Variants in ZBED6 observed in about 807,000 individuals in gnomAD.
ZBED6 encodes zinc finger BED-type containing 6.
A neutral mutation model predicts 58.4 loss-of-function variants in ZBED6; 40 were observed. The observed-to-expected ratio is 0.68, with a 90% CI of 0.53 to 0.89. ZBED6 has a LOEUF of 0.89. Among genes scored for constraint, ZBED6 ranks in the 40% least tolerant of loss-of-function variants. The probability of loss-of-function intolerance (pLI) is 0.00; values close to 1 mark genes in which losing one functional copy is unlikely to be tolerated. For synonymous variants in ZBED6, 439 were observed against 350.6 expected (o/e 1.25, Z -2.82); for missense variants, 1,057 against 1,003.9 (o/e 1.05, Z -0.71).
At chr1:203,811,816 C>G (rs551990633) in intron 1 of ZBED6, among the ~76,000 whole-genome samples, 1 of 148,002 alleles carries the variant, frequency 6.8e-6, no homozygotes, top group South Asian at 2.1e-4. Flanking sequence ...ATAGCTTTGT[C>G]TTTTTCTTTT....
chr1:203,804,883 G>A (rs956244340), intron 1 of ZBED6, among the ~76,000 whole-genome samples: 8 of 151,766 alleles, frequency 5.3e-5, no homozygotes, highest in Admixed American at 5.3e-4. Flanking sequence ...ATATTGGCCA[G>A]GCTGGTCTCA....
At chr1:203,810,444 G>A (rs1222671302) in intron 1 of ZBED6, among the ~76,000 whole-genome samples, 1 of 140,082 alleles carries the variant, frequency 7.1e-6, no homozygotes, top group African/African-American at 2.7e-5. Context: ...TTTTGAGACA[G>A]AGTCTCACTC....
At chr1:203,848,273 C>A in intron 12 of ZBED6, 58 bp from the exon 13 acceptor site, 3 of 1,399,892 alleles carry the variant, frequency 2.1e-6, no homozygotes, top group Non-Finnish European at 1.0e-6. Flanking sequence ...TTTAACATAT[C>A]TATCATGAAG....
intron 10 of ZBED6, among the ~76,000 whole-genome samples, chr1:203,839,216 TTTTG>T (rs1442717932): frequency 3.3e-5 from 5 of 152,182 alleles, no homozygotes; most frequent in Admixed American, 6.5e-5. Flanking sequence ...TTTTGTTTTG[TTTTG>T]TTTGTTTAAA....
In ZBED6 at chr1:203,798,949, A is replaced by G. The variant is rs771470973; in HGVS notation, c.1427A>G (p.Gln476Arg). 3.3e-6 allele frequency: 5 copies of G among 1,536,032 alleles called. No individual in the cohort carries two copies. In the South Asian group the frequency reaches 5.9e-5, roughly 18 times the overall value. The change falls in exon 1 of 17, where the codon CAA (glutamine) becomes CGA (arginine). Residue 476 changes from glutamine to arginine, a missense_variant. Gln to Arg is a conservative substitution (Grantham distance 43). Coordinates refer to ENST00000550078, the Ensembl canonical transcript of ZBED6. ...ATTTTCTTAACTTTAGAGAATGTTC[A>G]AAGCCAAAAGATACACCTGACTGTT...
rs141925037 is a variant in ZBED6 at position 203,826,258 on chromosome 1, C to T, written c.*2874-2041C>T. 1.1e-3 allele frequency among the ~76,000 whole-genome samples: 166 copies of T among 152,000 alleles called. 4 individuals are homozygous for T. The East Asian group carries it at 0.027, about 25-fold the overall frequency. On this transcript the variant is annotated intron_variant, in intron 3 of 16. Transcript: ENST00000550078. ...TTATTTTTACTTTATTTTTACTGCT[C>T]CTTGTGGAGCAGGGCCACTCTATAG...
At chr1:203,824,401 G>GA (rs1679805518) in intron 3 of ZBED6, among the ~76,000 whole-genome samples, 2 of 152,162 alleles carry the variant, frequency 1.3e-5, no homozygotes, top group South Asian at 4.1e-4. Context: ...TCAGGGATGA[G>GA]AAGGAGTCTT....
intron 11 of ZBED6, among the ~76,000 whole-genome samples, chr1:203,845,543 G>A (rs192412742): frequency 1.1e-3 from 160 of 152,264 alleles, no homozygotes; most frequent in Admixed American, 0.01. Flanking sequence ...CTAAATTGGA[G>A]GGTATCAGGT....
chr1:203,816,704 G>A (rs2102763065), intron 1 of ZBED6, among the ~76,000 whole-genome samples: 2 of 152,216 alleles, frequency 1.3e-5, no homozygotes, highest in South Asian at 4.1e-4. Flanking sequence ...TGTGTAACAA[G>A]CATCACAGAG....
intron 1 of ZBED6, chr1:203,806,261 T>A: frequency 3.1e-6 from 1 of 322,966 alleles, no homozygotes; most frequent in Non-Finnish European, 6.0e-6. Flanking sequence ...AGAATCAGTT[T>A]ATCTTGAGTG....
chr1:203,805,189 C>T (rs1431148753), intron 1 of ZBED6, among the ~76,000 whole-genome samples: 1 of 147,496 alleles, frequency 6.8e-6, no homozygotes, highest in Non-Finnish European at 1.5e-5. Flanking sequence ...GTCGCCCAGG[C>T]TGTGGGGTGA....
At chr1:203,819,954 A>G (rs1677943727) in intron 3 of ZBED6, among the ~76,000 whole-genome samples, 1 of 151,492 alleles carries the variant, frequency 6.6e-6, no homozygotes, top group African/African-American at 2.4e-5. Flanking sequence ...GAGCAAGTCC[A>G]GGCTGGGCTC....
intron 3 of ZBED6, among the ~76,000 whole-genome samples, chr1:203,819,657 C>T (rs1335509229): frequency 6.6e-6 from 1 of 150,508 alleles, no homozygotes; most frequent in Non-Finnish European, 1.5e-5. Flanking sequence ...GCCTCAGCCT[C>T]CCGAGTAGCT....
exon 10 of ZBED6, chr1:203,838,048 C>T (rs1421241266): frequency 6.2e-7 from 1 of 1,614,168 alleles, no homozygotes; most frequent in South Asian, 1.1e-5. Context: ...CTAACATTGA[C>T]AAAACACCAA....
At chr1:203,841,362 C>A (rs769336141) in intron 11 of ZBED6, among the ~76,000 whole-genome samples, 1 of 152,056 alleles carries the variant, frequency 6.6e-6, no homozygotes, top group Non-Finnish European at 1.5e-5. Flanking sequence ...TGACTCTTAA[C>A]GAGCATGCTG....
intron 15 of ZBED6, 34 bp downstream of exon 15, chr1:203,850,715 C>T: frequency 1.3e-6 from 2 of 1,599,962 alleles, no homozygotes; most frequent in Non-Finnish European, 1.7e-6. Context: ...GTGCTTTATT[C>T]TGTGTGGTAG....
At chr1:203,847,721 C>A in intron 12 of ZBED6, 34 bp downstream of exon 12, 1 of 1,592,238 alleles carries the variant, frequency 6.3e-7, no homozygotes, top group South Asian at 1.1e-5. Flanking sequence ...GTACCACGTC[C>A]CCACATAATA....
At chr1:203,848,899 C>T (rs921466284) in intron 13 of ZBED6, among the ~76,000 whole-genome samples, 3 of 148,896 alleles carry the variant, frequency 2.0e-5, no homozygotes, top group South Asian at 2.2e-4. Context: ...TGGATTTCTT[C>T]GAGCTTTTTC....
intron 1 of ZBED6, among the ~76,000 whole-genome samples, chr1:203,810,425 T>C (rs1371060417): frequency 6.7e-6 from 1 of 149,434 alleles, no homozygotes; most frequent in Non-Finnish European, 1.5e-5. Flanking sequence ...GCTGTTAGGT[T>C]TTTTTTTTTT....
Sources: allele counts gnomAD v4.1 joint callset (sites outside exome capture counted in the v4.1 genomes callset), GRCh38; gene constraint gnomAD v4.1.1; transcripts MANE v1.5; gene names NCBI Gene and HGNC (gene_info 2026-07-23, HGNC 2026-07-21).